Variants in ANK2 observed in about 807,000 individuals in gnomAD.
ANK2 encodes the protein ankyrin-2.
A neutral mutation model predicts 360.5 loss-of-function variants in ANK2; 83 were observed. The ratio of observed to expected loss-of-function variants is 0.23; its 90% CI spans 0.19 to 0.28. The LOEUF (loss-of-function observed/expected upper bound fraction) is 0.28, where lower values mean the gene tolerates loss of function less well. ANK2 is among the 10% of genes least tolerant of loss of function. ANK2 has a pLI of 1.00. For missense variants in ANK2, 4,201 were observed against 4,795.7 expected (o/e 0.88, Z 3.66); for synonymous variants, 1,740 against 1,759.5 (o/e 0.99, Z 0.28).
chr4:112,989,886 T>C (rs1034748034), intron 2 of ANK2, among the ~76,000 whole-genome samples: 3 of 152,200 alleles, frequency 2.0e-5, no homozygotes, highest in African/African-American at 4.8e-5. Flanking sequence ...CAAGATTAAA[T>C]TAAGAAAACT....
chr4:113,153,846 C>T (rs1456461392), intron 1 of ANK2, among the ~76,000 whole-genome samples: 1 of 152,078 alleles, frequency 6.6e-6, no homozygotes, highest in African/African-American at 2.4e-5. Flanking sequence ...GAGGTGAGAG[C>T]CAAGAATATT....
At chr4:113,081,624 C>T (rs1274828834) in intron 1 of ANK2, among the ~76,000 whole-genome samples, 1 of 151,974 alleles carries the variant, frequency 6.6e-6, no homozygotes, top group African/African-American at 2.4e-5. Flanking sequence ...GCCTTGTTCT[C>T]CTACTTTGGA....
intron 4 of ANK2, among the ~76,000 whole-genome samples, chr4:113,225,291 T>A (rs1230227029): frequency 6.6e-6 from 1 of 152,158 alleles, no homozygotes; most frequent in Non-Finnish European, 1.5e-5. Context: ...TTATAGTATG[T>A]CTGGAGCCTT....
At chr4:112,920,923 G>C (rs2091305488) in intron 2 of ANK2, among the ~76,000 whole-genome samples, 1 of 151,942 alleles carries the variant, frequency 6.6e-6, no homozygotes, top group South Asian at 2.1e-4. Context: ...AATTAAAGCT[G>C]TTGTATAGCT....
intron 2 of ANK2, among the ~76,000 whole-genome samples, chr4:112,905,919 C>A (rs575814359): frequency 4.3e-4 from 65 of 152,318 alleles, no homozygotes; most frequent in Middle Eastern, 3.4e-3. Context: ...ACCTCAGCCT[C>A]CCACAGTGCT....
intron 1 of ANK2, among the ~76,000 whole-genome samples, chr4:113,080,157 T>C (rs76593000): frequency 0.11 from 16,607 of 152,158 alleles, 1,022 homozygotes; most frequent in African/African-American, 0.15. Flanking sequence ...CCTCGGCCTG[T>C]CACAGTGCTG....
At position 113,255,861 on chromosome 4, in the gene ANK2, G is replaced by A. The variant is rs2049019447; in HGVS notation, c.1117G>A (p.Ala373Thr). Residue 373 changes from alanine to threonine, a missense_variant, in exon 11 of 46, where the codon GCG becomes ACG. By Grantham distance (58) the Ala-to-Thr change is moderately conservative. Coordinates refer to ENST00000357077, the MANE Select transcript of ANK2 (RefSeq NM_001148.6). Reference protein sequence around the residue: ...LDYLTALHVAAHCGHYRVTKL... With the variant: ...LDYLTALHVATHCGHYRVTKL... Reference sequence around the variant, plus strand: ...CTACCTGACAGCCCTCCACGTTGCTGCGCACTGTGGCCACTACCGTGTAAC... The same window carrying A: ...CTACCTGACAGCCCTCCACGTTGCTACGCACTGTGGCCACTACCGTGTAAC... 1 of 1,614,100 alleles carries A rather than the reference G, an allele frequency of 6.2e-7. No individual in the cohort carries two copies. The highest frequency in any genetic ancestry group is 8.5e-7 in the Non-Finnish European group (1 of 1,180,048).
In ANK2 at chr4:113,302,658, T is replaced by C. The variant is rs2075549380; in HGVS notation, c.2476-109T>C. ...ACACGCGGGAAAGATCCCGTAGTCA[T>C]GGCTCGATGGCTTGCTGCTGCTGTT... On this transcript the variant is annotated intron_variant, in intron 22 of 45. Coordinates refer to ENST00000357077, the MANE Select transcript of ANK2 (RefSeq NM_001148.6). The C allele has an allele frequency of 4.7e-6, 4 of 843,760 alleles. No homozygotes were observed. The East Asian group carries it at 1.0e-4, about 21-fold the overall frequency. The allele number at this position is 843,760 out of a possible 1,614,324, so 52.3% of individuals were successfully genotyped here. A position where few individuals can be genotyped will look rare whatever the true frequency, so the allele number is the denominator to read the frequency against.
chr4:112,887,276 A>G (rs1000842661), intron 1 of ANK2, among the ~76,000 whole-genome samples: 2 of 152,218 alleles, frequency 1.3e-5, no homozygotes, highest in African/African-American at 4.8e-5. Context: ...CAACTTTACA[A>G]TGATGTGAAA....
intron 2 of ANK2, among the ~76,000 whole-genome samples, chr4:113,044,232 A>G (rs569846628): frequency 3.9e-4 from 59 of 152,294 alleles, no homozygotes; most frequent in African/African-American, 1.4e-3. Context: ...ATGAGGTTTA[A>G]TAAAAAAGGG....
At chr4:113,327,117 CA>C (rs1487305864) in intron 26 of ANK2, among the ~76,000 whole-genome samples, 1 of 152,152 alleles carries the variant, frequency 6.6e-6, no homozygotes, top group Admixed American at 6.5e-5. Flanking sequence ...TTTACAATGA[CA>C]CAGAGATACT....
intron 14 of ANK2, among the ~76,000 whole-genome samples, chr4:113,269,637 A>G (rs1440720813): frequency 1.3e-5 from 2 of 152,332 alleles, no homozygotes; most frequent in African/African-American, 2.4e-5. Flanking sequence ...GAGATGAGCC[A>G]GATACCTCAG....
At chr4:113,181,345 A>G (rs2098408415) in intron 2 of ANK2, among the ~76,000 whole-genome samples, 1 of 152,158 alleles carries the variant, frequency 6.6e-6, no homozygotes, top group Non-Finnish European at 1.5e-5. Flanking sequence ...TCTGACTCCA[A>G]GCAGCCACTC....
intron 1 of ANK2, among the ~76,000 whole-genome samples, chr4:113,125,143 T>C (rs2095587864): frequency 6.6e-6 from 1 of 152,186 alleles, no homozygotes; most frequent in Non-Finnish European, 1.5e-5. Flanking sequence ...ATAGTTTGTC[T>C]GTAAAAAAAG....
chr4:112,712,947 C>T, the ANK2 span, among the ~76,000 whole-genome samples: 1 of 152,100 alleles, frequency 6.6e-6, no homozygotes, highest in Non-Finnish European at 1.5e-5. Flanking sequence ...TCACCACAAT[C>T]TAGGTAGAGA....
At chr4:112,758,290 A>G in the ANK2 span, among the ~76,000 whole-genome samples, 1 of 152,168 alleles carries the variant, frequency 6.6e-6, no homozygotes, top group African/African-American at 2.4e-5. Flanking sequence ...TCCGATTTAT[A>G]GTCAATTGTA....
At chr4:112,897,021 G>A (rs1010413050) in intron 1 of ANK2, among the ~76,000 whole-genome samples, 1 of 152,198 alleles carries the variant, frequency 6.6e-6, no homozygotes, top group East Asian at 1.9e-4. Flanking sequence ...CTTGTCCGGC[G>A]CACTCTCCCC....
At chr4:113,125,563 A>G (rs1359566261) in intron 1 of ANK2, among the ~76,000 whole-genome samples, 1 of 152,092 alleles carries the variant, frequency 6.6e-6, no homozygotes, top group Non-Finnish European at 1.5e-5. Flanking sequence ...ACTCACTACA[A>G]CCTTGGGTAA....
At chr4:112,753,169 C>T in the ANK2 span, among the ~76,000 whole-genome samples, 1 of 152,218 alleles carries the variant, frequency 6.6e-6, no homozygotes, top group African/African-American at 2.4e-5. Flanking sequence ...CAAGGTGCTT[C>T]TCCCGGACTC....
Sources: allele counts gnomAD v4.1 joint callset (sites outside exome capture counted in the v4.1 genomes callset), GRCh38; gene constraint gnomAD v4.1.1; transcripts MANE v1.5; gene names NCBI Gene and HGNC (gene_info 2026-07-23, HGNC 2026-07-21).